The following CEP128 variants were observed in gnomAD, a reference collection of about 807,000 sequenced individuals.
The protein encoded by CEP128 is centrosomal protein 128kDa.
A neutral mutation model predicts 156.7 loss-of-function variants in CEP128; 132 were observed. That is an observed-to-expected ratio of 0.84 (90% CI 0.73 to 0.97). CEP128 has a LOEUF of 0.97. Among genes scored for constraint, CEP128 ranks in the 50% least tolerant of loss-of-function variants. The pLI, the probability that CEP128 is intolerant of heterozygous loss-of-function variation, is 0.00. For synonymous variants in CEP128, 469 were observed against 448.9 expected (o/e 1.04, Z -0.57); for missense variants, 1,252 against 1,281.9 (o/e 0.98, Z 0.36).
rs1199451213 is a variant in CEP128 at position 80,895,772 on chromosome 14, T to A, written c.591A>T (p.Lys197Asn). Residue 197 changes from lysine (K) to asparagine (N), a missense_variant, in exon 8 of 25, where the codon AAA becomes AAT. Physicochemically the swap from Lys to Asn is moderately conservative, Grantham distance 94 (BLOSUM62 0). Coordinates refer to ENST00000555265, the MANE Select transcript of CEP128 (RefSeq NM_152446.5). ...TTTCAGTCAATTCTTCCAAAGCCCTTTTTGTTTCGGCATCTGACCTAGGAA... is the reference window on the plus strand; with the variant it reads ...TTTCAGTCAATTCTTCCAAAGCCCTATTTGTTTCGGCATCTGACCTAGGAA... Reference protein sequence around the residue: ...SRRSRSDAETKRALEELTEKL... With the variant: ...SRRSRSDAETNRALEELTEKL... The A allele has an allele frequency of 6.4e-7, 1 of 1,561,194 alleles. No individual in the cohort carries two copies. The highest frequency in any genetic ancestry group is 8.7e-7 in the Non-Finnish European group (1 of 1,153,776).
At chr14:80,630,479 G>A (rs1009229473) in intron 19 of CEP128, among the ~76,000 whole-genome samples, 5 of 151,770 alleles carry the variant, frequency 3.3e-5, no homozygotes, top group East Asian at 3.9e-4. Context: ...TCAGTGTAAC[G>A]GTTTACATTA....
At chr14:80,482,109 A>T (rs1887065783) in intron 14 of CEP128, among the ~76,000 whole-genome samples, 1 of 150,118 alleles carries the variant, frequency 6.7e-6, no homozygotes, top group African/African-American at 2.4e-5. Flanking sequence ...AGAGAATCTT[A>T]TTTTTTTTTT....
At position 80,638,669 on chromosome 14, in the gene CEP128, C is replaced by T. The variant is rs60698271; in HGVS notation, c.2807-58246G>A. Among the ~76,000 whole-genome samples the T allele has an allele frequency of 4.7e-3, 721 of 152,266 alleles. 2 individuals are homozygous for T. The highest frequency in any genetic ancestry group is 0.017 in the African/African-American group (688 of 41,550). On this transcript the variant is annotated intron_variant, in intron 19 of 24. Coordinates refer to ENST00000555265, the MANE Select transcript of CEP128 (RefSeq NM_152446.5). The stretch of plus-strand genomic sequence containing the variant: ...TCTACAATGAGACAGCGAATTCCAA[C>T]ACGGTAGGGGCAGTGACTAGCATAT...
intron 4 of CEP128, among the ~76,000 whole-genome samples, chr14:80,906,401 G>A (rs11625199): frequency 0.49 from 75,180 of 151,884 alleles, 19,107 homozygotes; most frequent in African/African-American, 0.57. Context: ...CCACTCATGC[G>A]AAGAAACATA....
intron 8 of CEP128, among the ~76,000 whole-genome samples, chr14:80,889,476 C>A (rs908943183): frequency 1.3e-5 from 2 of 152,150 alleles, no homozygotes; most frequent in Non-Finnish European, 2.9e-5. Context: ...TAACACCACA[C>A]ATCTACAACC....
chr14:80,673,798 T>C (rs560120174), intron 19 of CEP128, among the ~76,000 whole-genome samples: 154 of 149,242 alleles, frequency 1.0e-3, no homozygotes, highest in African/African-American at 3.5e-3. Context: ...CTCTCTCTCT[T>C]TTTTTTTTAG....
At chr14:80,664,042 T>A (rs1035458951) in intron 19 of CEP128, among the ~76,000 whole-genome samples, 9 of 152,220 alleles carry the variant, frequency 5.9e-5, no homozygotes, top group African/African-American at 1.9e-4. Flanking sequence ...AGAAAGATAC[T>A]AAATCAATTT....
chr14:80,629,332 C>T (rs970110140), intron 19 of CEP128, among the ~76,000 whole-genome samples: 3 of 152,108 alleles, frequency 2.0e-5, no homozygotes, highest in Non-Finnish European at 4.4e-5. Context: ...TGAAGATTAA[C>T]AGTGTGTTAA....
chr14:80,862,724 G>T, intron 9 of CEP128, 33 bp downstream of exon 9: 1 of 1,379,452 alleles, frequency 7.2e-7, no homozygotes, highest in Non-Finnish European at 1.0e-6. Context: ...CCAAATTCAA[G>T]ATTTACATTC....
At chr14:80,814,055 T>C (rs1884709616) in intron 13 of CEP128, among the ~76,000 whole-genome samples, 1 of 152,200 alleles carries the variant, frequency 6.6e-6, no homozygotes, top group African/African-American at 2.4e-5. Flanking sequence ...CAATTTGATC[T>C]TTTAAGGTAA....
intron 22 of CEP128, among the ~76,000 whole-genome samples, chr14:80,527,627 C>G (rs1889038405): frequency 6.6e-6 from 1 of 152,162 alleles, no homozygotes; most frequent in Non-Finnish European, 1.5e-5. Context: ...ATGACACATG[C>G]CACATTTGGA....
chr14:80,586,013 G>A (rs564776183), intron 19 of CEP128, among the ~76,000 whole-genome samples: 12 of 152,088 alleles, frequency 7.9e-5, no homozygotes, highest in Middle Eastern at 3.4e-3. Context: ...CAGAGATAAC[G>A]GGTCAGTTTC....
At chr14:80,504,591 T>G (rs1887883627) in intron 24 of CEP128, among the ~76,000 whole-genome samples, 1 of 152,238 alleles carries the variant, frequency 6.6e-6, no homozygotes. Flanking sequence ...AATTTGAACT[T>G]TATTATAAAA....
intron 2 of CEP128, among the ~76,000 whole-genome samples, chr14:80,949,875 C>T (rs1041668115): frequency 3.3e-5 from 5 of 151,882 alleles, no homozygotes; most frequent in Admixed American, 6.6e-5. Flanking sequence ...CTAAACTGAC[C>T]CAGAATTGAC....
intron 10 of CEP128, among the ~76,000 whole-genome samples, chr14:80,838,985 GCTA>G (rs1479907102): frequency 6.6e-6 from 1 of 152,150 alleles, no homozygotes; most frequent in Non-Finnish European, 1.5e-5. Flanking sequence ...CGTAATCCCA[GCTA>G]CTCGGGAGGC....
At chr14:80,945,405 T>C (rs1886317015), upstream of CEP128, among the ~76,000 whole-genome samples, 1 of 152,222 alleles carries the variant, frequency 6.6e-6, no homozygotes, top group Admixed American at 6.5e-5. Flanking sequence ...TCAGGATTAG[T>C]GTCATCAATG....
downstream of CEP128, among the ~76,000 whole-genome samples, chr14:80,485,883 T>G (rs1396569877): frequency 1.3e-5 from 2 of 152,190 alleles, no homozygotes; most frequent in African/African-American, 4.8e-5. Flanking sequence ...TGCATGTGTA[T>G]ATTCATGTAG....
At chr14:80,865,841 G>T (rs1314732323) in intron 8 of CEP128, among the ~76,000 whole-genome samples, 1 of 152,066 alleles carries the variant, frequency 6.6e-6, no homozygotes, top group Non-Finnish European at 1.5e-5. Flanking sequence ...CTCAAATCCA[G>T]TAACCTACAG....
At chr14:80,532,924 C>T (rs1031232269) in intron 21 of CEP128, among the ~76,000 whole-genome samples, 2 of 152,130 alleles carry the variant, frequency 1.3e-5, no homozygotes, top group African/African-American at 4.8e-5. Context: ...TCTTCAAGTT[C>T]ATAAAGTTCT....
Sources: gnomAD v4.1 joint callset for allele counts (sites outside exome capture counted in the v4.1 genomes callset) on GRCh38, gnomAD v4.1.1 for gene constraint, MANE v1.5 for transcripts, NCBI Gene and HGNC (gene_info 2026-07-23, HGNC 2026-07-21) for gene names.